The following FOXP1 variants were observed in gnomAD, a reference collection of about 807,000 sequenced individuals.
FOXP1 encodes the protein forkhead box P1.
In FOXP1, 15 loss-of-function variants were observed where a neutral mutation model predicts 98.2. That is an observed-to-expected ratio of 0.15 (90% CI 0.10 to 0.24). The LOEUF (loss-of-function observed/expected upper bound fraction) is 0.24. Ranked by LOEUF, FOXP1 falls within the 10% of genes least tolerant of loss-of-function variation. FOXP1 has a pLI of 1.00. For synonymous variants in FOXP1, 371 were observed against 314.5 expected (o/e 1.18, Z -1.90); for missense variants, 633 against 848.5 (o/e 0.75, Z 3.15).
At chr3:71,521,574 G>A (rs1461477745) in intron 2 of FOXP1, among the ~76,000 whole-genome samples, 1 of 151,694 alleles carries the variant, frequency 6.6e-6, no homozygotes, top group Admixed American at 6.6e-5. Context: ...GAAGGACAGG[G>A]GCTCTGTTCT....
At chr3:71,537,855 G>A (rs1279004813) in intron 2 of FOXP1, among the ~76,000 whole-genome samples, 1 of 152,140 alleles carries the variant, frequency 6.6e-6, no homozygotes, top group African/African-American at 2.4e-5. Flanking sequence ...TTTTTATATG[G>A]TTGAAGAAGA....
At chr3:71,455,742 C>A (rs2108515701) in intron 3 of FOXP1, among the ~76,000 whole-genome samples, 1 of 152,220 alleles carries the variant, frequency 6.6e-6, no homozygotes, top group Non-Finnish European at 1.5e-5. Context: ...ATCACACTTC[C>A]AACAGTTGCA....
chr3:71,412,076 T>C (rs7647190), intron 3 of FOXP1, among the ~76,000 whole-genome samples: 109,967 of 151,784 alleles, frequency 0.72, 40,782 homozygotes, highest in African/African-American at 0.77. Context: ...CACCTGTCTC[T>C]CCCTGCAGTC....
rs2046144915 is a variant in FOXP1, at chr3:71,556,517, C to A, written c.-298+25032G>T. 2.3e-5 allele frequency among the ~76,000 whole-genome samples: 3 copies of A among 132,654 alleles called. No homozygotes were observed. In the Admixed American group the frequency reaches 2.8e-4, roughly 12 times the overall value. The allele number at this position is 132,654 out of a possible 152,430, so 87.0% of individuals were successfully genotyped here. ...GCTTGAACTCGGGAGGTGGAGGTTG[C>A]AGTGAGCCGAGATTGTGCCACTGCA... is the stretch of plus-strand genomic sequence containing the variant. On this transcript the variant is annotated intron_variant, in intron 2 of 20. Coordinates refer to ENST00000649528, the MANE Select transcript of FOXP1 (RefSeq NM_001349338.3).
intron 2 of FOXP1, among the ~76,000 whole-genome samples, chr3:71,513,583 C>CA (rs771323731): frequency 5.4e-4 from 82 of 152,308 alleles, no homozygotes; most frequent in Non-Finnish European, 9.1e-4. Context: ...AGCAGATCAA[C>CA]ACCTCCACCT....
At chr3:71,379,479 A>C (rs894374592) in intron 3 of FOXP1, among the ~76,000 whole-genome samples, 28 of 152,150 alleles carry the variant, frequency 1.8e-4, no homozygotes, top group African/African-American at 6.8e-4. Context: ...AGAAGTAGGC[A>C]ACTATAGGCA....
chr3:71,304,631 A>G (rs2074121915), intron 4 of FOXP1: 1 of 152,204 alleles, frequency 6.6e-6, no homozygotes, highest in East Asian at 1.9e-4. Flanking sequence ...TGCCTCAAAA[A>G]AAAGTATTTT....
intron 3 of FOXP1, among the ~76,000 whole-genome samples, chr3:71,381,435 G>GT (rs1432254737): frequency 7.6e-6 from 1 of 132,390 alleles, no homozygotes; most frequent in African/African-American, 2.8e-5. Flanking sequence ...ACTGCGCCTG[G>GT]CCTTTTTTTT....
chr3:71,024,033 T>A (rs2045792479), intron 11 of FOXP1, among the ~76,000 whole-genome samples: 1 of 152,158 alleles, frequency 6.6e-6, no homozygotes. Context: ...CTGTTGTATA[T>A]CCCCTCGAAA....
rs957478472 is a variant in FOXP1, at chr3:71,223,011, C to T, written c.-11-24619G>A. Among the ~76,000 whole-genome samples the T allele has an allele frequency of 3.5e-4, 53 of 152,282 alleles. 1 individual carries two copies. Among genetic ancestry groups the T allele is most frequent in the Non-Finnish European group, 4.4e-4 (30 of 68,026 alleles). ...ATAAATTTTTCCCCTTTCTTTTCAT[C>T]ACCACTACGATCATCCAGCTGTCAT... On this transcript the variant is annotated intron_variant, in intron 5 of 20. Coordinates refer to ENST00000649528, the MANE Select transcript of FOXP1 (RefSeq NM_001349338.3).
chr3:71,105,848 A>C (rs1376543766), intron 7 of FOXP1, among the ~76,000 whole-genome samples: 1 of 152,170 alleles, frequency 6.6e-6, no homozygotes, highest in Admixed American at 6.5e-5. Context: ...AGTCCTCTTA[A>C]TTGAAATCCA....
At chr3:71,384,598 ACT>A (rs1417546369) in intron 3 of FOXP1, among the ~76,000 whole-genome samples, 2 of 152,138 alleles carry the variant, frequency 1.3e-5, no homozygotes, top group South Asian at 2.1e-4. Context: ...CCAATTGGAG[ACT>A]CTCAGAAGAA....
intron 3 of FOXP1, among the ~76,000 whole-genome samples, chr3:71,443,619 T>C (rs1577543636): frequency 6.6e-6 from 1 of 152,100 alleles, no homozygotes; most frequent in Non-Finnish European, 1.5e-5. Flanking sequence ...CATGCCAGAT[T>C]TTCTGATTCT....
At chr3:71,437,508 C>T (rs2085478721) in intron 3 of FOXP1, among the ~76,000 whole-genome samples, 1 of 152,142 alleles carries the variant, frequency 6.6e-6, no homozygotes, top group South Asian at 2.1e-4. Context: ...ACTGGGCTCT[C>T]CTGACTCACC....
chr3:71,102,970 G>A (rs1371019758), intron 7 of FOXP1, among the ~76,000 whole-genome samples: 1 of 152,090 alleles, frequency 6.6e-6, no homozygotes, highest in Non-Finnish European at 1.5e-5. Flanking sequence ...ACCCCATATG[G>A]TTGTTGTACA....
At chr3:71,292,691 T>A (rs1467865205) in intron 5 of FOXP1, 1 of 152,192 alleles carries the variant, frequency 6.6e-6, no homozygotes, top group Non-Finnish European at 1.5e-5. Context: ...AAACATCTAA[T>A]TACCTTTAAT....
intron 5 of FOXP1, among the ~76,000 whole-genome samples, chr3:71,213,230 A>T (rs1337961076): frequency 6.6e-6 from 1 of 152,232 alleles, no homozygotes; most frequent in Non-Finnish European, 1.5e-5. Flanking sequence ...CTCATTCATC[A>T]TCTGTAATTC....
chr3:71,476,183 G>A (rs1167428367), intron 3 of FOXP1, among the ~76,000 whole-genome samples: 1 of 152,152 alleles, frequency 6.6e-6, no homozygotes, highest in Non-Finnish European at 1.5e-5. Context: ...TCCCAATCAG[G>A]TTATAATCCA....
chr3:71,308,799 GT>G (rs1560283215), intron 4 of FOXP1, among the ~76,000 whole-genome samples: 16 of 140,668 alleles, frequency 1.1e-4, no homozygotes, highest in African/African-American at 2.6e-4. Flanking sequence ...GTGTGTGTGT[GT>G]GTGTGTGGGT....
Sources: gnomAD v4.1 joint callset for allele counts (sites outside exome capture counted in the v4.1 genomes callset) on GRCh38, gnomAD v4.1.1 for gene constraint, MANE v1.5 for transcripts, NCBI Gene and HGNC (gene_info 2026-07-23, HGNC 2026-07-21) for gene names.